FCSK: variants seen among roughly 807,000 people sequenced by gnomAD.
FCSK encodes the protein L-fucose kinase.
Under a neutral mutation model 122.5 loss-of-function variants are expected in FCSK, and 123 were observed. The ratio of observed to expected loss-of-function variants is 1.00; its 90% confidence interval spans 0.87 to 1.17. The LOEUF (loss-of-function observed/expected upper bound fraction) is 1.17, where lower values mean the gene tolerates loss of function less well. Among genes scored for constraint, FCSK ranks in the 50% most tolerant of loss-of-function variants. The pLI is 0.00. For missense variants in FCSK, 1,366 were observed against 1,450.4 expected, an observed-to-expected ratio of 0.94 and a Z score of 0.95; for synonymous variants, 620 against 625.5, an observed-to-expected ratio of 0.99 and a Z score of 0.13.
chr16:70,468,327 C>G (rs747162107), intron 8 of FCSK, among the ~76,000 whole-genome samples: 1 of 152,052 alleles, frequency 6.6e-6, no homozygotes, highest in Non-Finnish European at 1.5e-5. Flanking sequence ...GGTAGAGGCT[C>G]GAGAATCGCT....
intron 22 of FCSK, 46 bp from the exon 23 acceptor site, chr16:70,479,134 T>C (rs757632729): frequency 7.1e-6 from 10 of 1,416,596 alleles, no homozygotes; most frequent in African/African-American, 4.2e-5. Flanking sequence ...AGATGGGTGC[T>C]GAGTATCTTG....
chr16:70,472,734 T>G (rs2151722370), intron 14 of FCSK, 129 bp downstream of exon 14: 2 of 862,392 alleles, frequency 2.3e-6, no homozygotes, highest in South Asian at 1.8e-5. Context: ...TGGGTGGTTT[T>G]GGGCAGCCGG....
At chr16:70,465,532 C>T (rs571963995) in intron 4 of FCSK, among the ~76,000 whole-genome samples, 3 of 152,060 alleles carry the variant, frequency 2.0e-5, no homozygotes, top group African/African-American at 7.2e-5. Context: ...GTGGTGCACA[C>T]CTGTAGTCCC....
Position 70,474,807 on chromosome 16 carries a change from C to T in FCSK, c.2173C>T (p.Pro725Ser), listed in dbSNP as rs1296972152. 2 of 1,580,340 alleles carry T rather than the reference C, an allele frequency of 1.3e-6. No homozygotes were observed. Among genetic ancestry groups the T allele is most frequent in the South Asian group, 2.3e-5 (2 of 86,934 alleles). Residue 725 changes from proline to serine, a missense_variant, in exon 18 of 24, where the codon CCA becomes TCA. Pro to Ser is a moderately conservative substitution (Grantham distance 74). Transcript: ENST00000288078. The stretch of plus-strand genomic sequence containing the variant: ...TGCCATAGGGGGCTGGAGTGACACG[C>T]CACCCCTTGCCTATGAGCTTGGCGG... ...VDFSGGWSDT[P>S]PLAYELGGAV...
chr16:70,464,887 A>G, intron 3 of FCSK: 1 of 748,498 alleles, frequency 1.3e-6, no homozygotes, highest in South Asian at 1.9e-5. Flanking sequence ...CAAAACAACA[A>G]CAACAACAGC....
chr16:70,465,219 C>A, intron 4 of FCSK, 43 bp downstream of exon 4: 2 of 1,573,078 alleles, frequency 1.3e-6, no homozygotes, highest in Non-Finnish European at 1.7e-6. Flanking sequence ...AGGCCAGAAT[C>A]CCAGTTCGTG....
chr16:70,466,785 C>T, intron 5 of FCSK, 97 bp from the exon 6 acceptor site: 1 of 1,092,950 alleles, frequency 9.1e-7, no homozygotes, highest in South Asian at 1.5e-5. Context: ...TCTTGGAGGC[C>T]CTTGTTACTT....
chr16:70,479,426 T>G (rs1597646862), intron 23 of FCSK, 23 bp downstream of exon 23: 1 of 1,596,404 alleles, frequency 6.3e-7, no homozygotes, highest in South Asian at 1.1e-5. Context: ...CTGGGGTTGG[T>G]AAAGAGACCT....
chr16:70,466,044 C>T, intron 4 of FCSK, 88 bp from the exon 5 acceptor site: 1 of 1,377,516 alleles, frequency 7.3e-7, no homozygotes, highest in South Asian at 1.3e-5. Context: ...TATCAGCCCT[C>T]CACTGGATGG....
At chr16:70,476,315 C>G (rs1165293415) in intron 20 of FCSK, 2 of 153,544 alleles carry the variant, frequency 1.3e-5, no homozygotes, top group Non-Finnish European at 2.9e-5. Context: ...TGCTGTGCCT[C>G]TCATGCTTGT....
intron 1 of FCSK, among the ~76,000 whole-genome samples, chr16:70,459,883 T>G (rs1055387207): frequency 1.3e-5 from 2 of 151,436 alleles, no homozygotes; most frequent in Non-Finnish European, 2.9e-5. Context: ...CTCACTGCAA[T>G]CTCTGTCTCC....
At chr16:70,460,819 G>A (rs2151701788) in intron 1 of FCSK, among the ~76,000 whole-genome samples, 1 of 152,352 alleles carries the variant, frequency 6.6e-6, no homozygotes, top group East Asian at 1.9e-4. Flanking sequence ...TCAAAGCGTG[G>A]CCTCCATGTA....
chr16:70,463,880 T>A, intron 3 of FCSK, 106 bp downstream of exon 3: 1 of 1,243,352 alleles, frequency 8.0e-7, no homozygotes, highest in Non-Finnish European at 1.1e-6. Context: ...CAACTCAGCA[T>A]TGGTCTCAGT....
chr16:70,478,215 T>G, intron 20 of FCSK, 57 bp from the exon 21 acceptor site: 1 of 1,576,824 alleles, frequency 6.3e-7, no homozygotes, highest in African/African-American at 1.3e-5. Flanking sequence ...GAGCCTAGGC[T>G]GGGAGAGTGA....
In FCSK at chr16:70,465,154, C is replaced by G. The variant is rs757784768; in HGVS notation, c.263C>G (p.Ala88Gly). The change falls in exon 4 of 24, where the codon GCC becomes GGC. Residue 88 changes from alanine (A) to glycine (G), a missense_variant. Coordinates refer to ENST00000288078, the MANE Select transcript of FCSK (RefSeq NM_145059.3). ...GTCACATCCGATGTCCTGCACTCGG[C>G]CTGGATCCTCATTCTGCACATGGTA... The part of the protein sequence containing the change: ...TVVTSDVLHS[A>G]WILILHMGRD... The G allele has an allele frequency of 1.9e-6, 3 of 1,613,404 alleles. No homozygotes were observed. In the South Asian group the frequency reaches 3.3e-5, roughly 18 times the overall value.
chr16:70,473,188 G>T lies in FCSK; in HGVS notation c.1612G>T (p.Asp538Tyr), dbSNP rs1567707860. The part of the protein sequence containing the change: ...LSWEQLQPCL[D>Y]RAATLASRRD... Reference sequence around the variant, plus strand: ...CTGGGAGCAGCTGCAGCCGTGCCTGGATCGGGCTGCCACGCTGGCCTCTCG... The same window carrying T: ...CTGGGAGCAGCTGCAGCCGTGCCTGTATCGGGCTGCCACGCTGGCCTCTCG... The change falls in exon 15 of 24, where the codon GAT becomes TAT. Residue 538 changes from aspartate (D) to tyrosine (Y), a missense_variant. Asp to Tyr is a radical substitution (Grantham distance 160). Transcript: ENST00000288078. The surrounding 1 kb of genome is among the most constrained non-coding windows in gnomAD (Gnocchi z 4.9). 1 of 1,539,586 alleles carries T rather than the reference G, an allele frequency of 6.5e-7. No homozygotes were observed. The highest frequency in any genetic ancestry group is 8.7e-7 in the Non-Finnish European group (1 of 1,146,586).
chr16:70,457,011 C>T (rs1275954236), intron 1 of FCSK, among the ~76,000 whole-genome samples: 1 of 151,264 alleles, frequency 6.6e-6, no homozygotes, highest in Non-Finnish European at 1.5e-5. Context: ...CAGAGCGAGA[C>T]TCCATCTTAA....
In FCSK at chr16:70,466,200, C is replaced by A. The variant is rs2048413474; in HGVS notation, c.354C>A (p.Ala118=). 6 of 1,613,864 alleles carry A rather than the reference C, an allele frequency of 3.7e-6. No individual in the cohort carries two copies. Among genetic ancestry groups the A allele is most frequent in the Non-Finnish European group, 5.1e-6 (6 of 1,179,904 alleles). The change falls in exon 5 of 24, where the codon GCC becomes GCA. Residue 118 remains alanine (A), a synonymous_variant. Transcript: ENST00000288078. The stretch of plus-strand genomic sequence containing the variant: ...GCCTCCCCGTGGAGAACCCCGAGGC[C>A]CCCGTGGAAGCCTTGGTCTGCAACC... The part of the protein sequence containing the change: ...FTCLPVENPE[A]PVEALVCNLD...
Position 70,467,970 on chromosome 16 carries a change from T to A in FCSK, c.663+4T>A. On this transcript the variant is annotated splice_donor_region_variant and intron_variant, in intron 8 of 23. Coordinates refer to ENST00000288078, the MANE Select transcript of FCSK (RefSeq NM_145059.3). ...GCCTGATGGGCGGGTGCCACTGGTA[T>A]GGCTGCTGGGCCCAGGTTGCGGGGC... 1 of 1,613,072 alleles carries A rather than the reference T, an allele frequency of 6.2e-7. No individual in the cohort carries two copies. Among genetic ancestry groups the A allele is most frequent in the East Asian group, 2.2e-5 (1 of 44,866 alleles).
Sources: gnomAD v4.1 joint callset for allele counts (sites outside exome capture counted in the v4.1 genomes callset) on GRCh38, gnomAD v4.1.1 for gene constraint, Gnocchi (gnomAD v3.1) non-coding constraint, MANE v1.5 for transcripts, NCBI Gene and HGNC (gene_info 2026-07-23, HGNC 2026-07-21) for gene names.